Variants in ZP3 observed in about 807,000 individuals in gnomAD.
The protein encoded by ZP3 is zona pellucida sperm-binding protein 3.
ZP3 carries 21 observed loss-of-function variants against 35.6 expected under a neutral mutation model. That is an observed-to-expected ratio of 0.59 (90% confidence interval 0.42 to 0.85). The LOEUF (loss-of-function observed/expected upper bound fraction) is 0.85, where lower values mean the gene tolerates loss of function less well. Ranked by LOEUF, ZP3 falls within the 40% of genes least tolerant of loss-of-function variation. ZP3 has a pLI of 0.00. For missense variants in ZP3, 437 were observed against 536.5 expected, an observed-to-expected ratio of 0.81 and a Z score of 1.83; for synonymous variants, 207 against 214.5, an observed-to-expected ratio of 0.96 and a Z score of 0.31.
At chr7:76,428,314 G>A (rs1805730311) in intron 1 of ZP3, among the ~76,000 whole-genome samples, 1 of 151,852 alleles carries the variant, frequency 6.6e-6, no homozygotes, top group Non-Finnish European at 1.5e-5. Context: ...GAGCAAGACT[G>A]CATCTCAAAA....
chr7:76,427,543 A>G (rs1805704991), intron 1 of ZP3, among the ~76,000 whole-genome samples: 1 of 150,132 alleles, frequency 6.7e-6, no homozygotes, highest in Non-Finnish European at 1.5e-5. Context: ...AAATACAGCC[A>G]TGGCCAGTTT....
chr7:76,435,320 T>C (rs537191055), intron 5 of ZP3, among the ~76,000 whole-genome samples: 1 of 152,322 alleles, frequency 6.6e-6, no homozygotes, highest in East Asian at 1.9e-4. Context: ...GCCTGGCTAA[T>C]TTTTTTGTAT....
intron 1 of ZP3, among the ~76,000 whole-genome samples, chr7:76,416,917 TATATATACACATACATATGTATACATAC>T (rs1805387524): frequency 4.3e-5 from 6 of 138,250 alleles, no homozygotes; most frequent in Admixed American, 3.2e-4. Context: ...TATACATACA[TATATATACACATACATATGTATACATAC>T]ATATATATAT....
Position 76,441,882 on chromosome 7 carries a change from C to T in ZP3, c.1101C>T (p.Phe367=). 2 of 1,612,006 alleles carry T rather than the reference C, an allele frequency of 1.2e-6. No homozygotes were observed. The highest frequency in any genetic ancestry group is 2.2e-5 in the South Asian group (2 of 90,970). Residue 367 remains phenylalanine (F), a synonymous_variant, in exon 8 of 8, where the codon TTC becomes TTT. Transcript: ENST00000394857. ...EADVTVGPLI[F]LDRRGDHEVE... ...ATGTCACCGTGGGGCCACTGATCTT[C>T]CTGGACAGGAGGGGTGACCATGAAG...
chr7:76,425,099 G>A lies in ZP3; in HGVS notation c.135G>A (p.Glu45=). The A allele has an allele frequency of 6.2e-7, 1 of 1,613,892 alleles. No homozygotes were observed. The change falls in exon 1 of 8, where the codon GAG becomes GAA. Residue 45 remains glutamate, a synonymous_variant. Transcript: ENST00000394857. The part of the protein sequence containing the change: ...PETSVQPVLV[E]CQEATLMVMV... ...CGTCCGTACAGCCCGTACTGGTGGAGTGTCAGGAGGCCACTCTGATGGTCA... is the reference window on the plus strand; with the variant it reads ...CGTCCGTACAGCCCGTACTGGTGGAATGTCAGGAGGCCACTCTGATGGTCA...
In ZP3 at chr7:76,433,510, G is replaced by A. The variant is rs375864419; in HGVS notation, c.576G>A (p.Leu192=). Residue 192 remains leucine, a synonymous_variant, in exon 4 of 8, where the codon CTG becomes CTA. Transcript: ENST00000394857. ...AGAAGAGGTCCCCCACCTTCCACCT[G>A]GGAGATGCAGCCCACCTCCAGGCAG... is the stretch of plus-strand genomic sequence containing the variant. ...NAEKRSPTFH[L]GDAAHLQAEI... is the part of the protein sequence containing the mutation. 21 of 1,613,908 alleles carry A rather than the reference G, an allele frequency of 1.3e-5. No homozygotes were observed. Among genetic ancestry groups the A allele is most frequent in the Middle Eastern group, 3.3e-4 (2 of 6,084 alleles).
intron 1 of ZP3, among the ~76,000 whole-genome samples, chr7:76,426,056 C>T (rs1186790373): frequency 6.7e-6 from 1 of 148,580 alleles, no homozygotes; most frequent in Non-Finnish European, 1.5e-5. Context: ...GCACTCCAGC[C>T]TAGGCAACAG....
intron 1 of ZP3, among the ~76,000 whole-genome samples, chr7:76,410,824 G>A (rs1034368989): frequency 3.3e-5 from 5 of 151,426 alleles, no homozygotes; most frequent in African/African-American, 7.3e-5. Flanking sequence ...GTGAAACCCC[G>A]TCTCTACTAA....
intron 1 of ZP3, among the ~76,000 whole-genome samples, chr7:76,401,859 G>T (rs1340564730): frequency 6.6e-6 from 1 of 152,104 alleles, no homozygotes; most frequent in African/African-American, 2.4e-5. Context: ...CTGGTAATGT[G>T]GCCATGCCTG....
chr7:76,403,578 C>T (rs935968393), intron 1 of ZP3, among the ~76,000 whole-genome samples: 4 of 151,252 alleles, frequency 2.6e-5, no homozygotes, highest in Non-Finnish European at 4.4e-5. Context: ...CCTCATGATC[C>T]GCCCTCCTCA....
chr7:76,405,676 C>T (rs564874210), intron 1 of ZP3, among the ~76,000 whole-genome samples: 12 of 152,004 alleles, frequency 7.9e-5, no homozygotes, highest in African/African-American at 2.4e-4. Context: ...TGAGTGGAGA[C>T]GACGGCAGAG....
At chr7:76,403,313 G>A (rs139830136) in intron 1 of ZP3, among the ~76,000 whole-genome samples, 3 of 151,702 alleles carry the variant, frequency 2.0e-5, no homozygotes, top group African/African-American at 7.3e-5. Context: ...ACTTGTGTAC[G>A]CATTTTACTG....
intron 3 of ZP3, 74 bp downstream of exon 3, chr7:76,433,104 C>CT (rs890152277): frequency 1.8e-4 from 189 of 1,072,298 alleles, no homozygotes; most frequent in South Asian, 1.3e-3. Flanking sequence ...TTGGCTGTGT[C>CT]TTTTTTTTGT....
chr7:76,436,076 G>T (rs1436062934), intron 5 of ZP3, among the ~76,000 whole-genome samples: 15 of 46,300 alleles, frequency 3.2e-4, no homozygotes, highest in Non-Finnish European at 6.2e-4. Flanking sequence ...TTTTTTTTTT[G>T]AGAGGGTCTC....
chr7:76,423,001 G>A (rs1338775105), upstream of ZP3, among the ~76,000 whole-genome samples: 2 of 57,172 alleles, frequency 3.5e-5, no homozygotes, highest in African/African-American at 7.4e-5. Context: ...TGTCTCAAAA[G>A]AAAGAAAGAG....
intron 1 of ZP3, among the ~76,000 whole-genome samples, chr7:76,406,143 GC>G (rs1420471181): frequency 1.3e-5 from 2 of 151,618 alleles, no homozygotes; most frequent in African/African-American, 4.8e-5. Context: ...CCGCCACCAC[GC>G]CCGGCTCATT....
At chr7:76,409,126 G>A (rs1013406011) in intron 1 of ZP3, among the ~76,000 whole-genome samples, 1 of 152,096 alleles carries the variant, frequency 6.6e-6, no homozygotes, top group Admixed American at 6.6e-5. Context: ...CCTTGAGGGT[G>A]GAAACCAGAT....
At chr7:76,400,407 G>A (rs759473168) in intron 1 of ZP3, 42 of 1,603,672 alleles carry the variant, frequency 2.6e-5, no homozygotes, top group Non-Finnish European at 3.1e-5. Context: ...GCAGGATGGG[G>A]CCTCGGCCTT....
chr7:76,398,932 A>G, intron 1 of ZP3: 2 of 823,620 alleles, frequency 2.4e-6, no homozygotes, highest in Middle Eastern at 3.7e-4. Context: ...AGTCACAGCC[A>G]GGAACACTGG....
Sources: gnomAD v4.1 joint callset for allele counts (sites outside exome capture counted in the v4.1 genomes callset) on GRCh38, gnomAD v4.1.1 for gene constraint, MANE v1.5 for transcripts, NCBI Gene and HGNC (gene_info 2026-07-23, HGNC 2026-07-21) for gene names.